NTRK2: variants seen among roughly 807,000 people sequenced by gnomAD.
NTRK2 encodes neurotrophic receptor tyrosine kinase 2.
Under a neutral mutation model 94.5 loss-of-function variants are expected in NTRK2, and 13 were observed. The ratio of observed to expected loss-of-function variants is 0.14; its 90% CI spans 0.09 to 0.22. The LOEUF is 0.22. Ranked by LOEUF, NTRK2 falls within the 10% of genes least tolerant of loss-of-function variation. The pLI is 1.00. For synonymous variants in NTRK2, 372 were observed against 407.4 expected (o/e 0.91, Z 1.05); for missense variants, 639 against 1,071.2 (o/e 0.60, Z 5.63).
chr9:84,774,115 C>T (rs557419102), intron 12 of NTRK2, among the ~76,000 whole-genome samples: 1 of 152,302 alleles, frequency 6.6e-6, no homozygotes, highest in South Asian at 2.1e-4. Flanking sequence ...TTCTTTCTCT[C>T]CCTCATTCAT....
chr9:84,792,987 C>T (rs1377666066), intron 12 of NTRK2, among the ~76,000 whole-genome samples: 3 of 152,164 alleles, frequency 2.0e-5, no homozygotes, highest in Non-Finnish European at 4.4e-5. Context: ...CCATCAGTAT[C>T]ATCACCATCA....
chr9:84,875,568 G>A lies in NTRK2; in HGVS notation c.1633+8137G>A, dbSNP rs199937561. ...TAGCTAGCTCCTTTCAAAGAGCCGA[G>A]TATGCTGGATCTTAAAGGGCCAAAC... is the stretch of plus-strand genomic sequence containing the variant. On this transcript the variant is annotated intron_variant, in intron 14 of 18. Coordinates refer to ENST00000277120, the MANE Select transcript of NTRK2 (RefSeq NM_006180.6). 352 of 1,062,854 alleles carry A rather than the reference G, an allele frequency of 3.3e-4. 1 individual carries two copies. Among genetic ancestry groups the A allele is most frequent in the Admixed American group, 3.3e-3 (61 of 18,638 alleles). The allele number at this position is 1,062,854 out of a possible 1,614,324, so 65.8% of individuals were successfully genotyped here. A position where few individuals can be genotyped will look rare whatever the true frequency, so the allele number is the denominator to read the frequency against.
At chr9:85,003,287 A>C (rs1830525716) in intron 17 of NTRK2, among the ~76,000 whole-genome samples, 1 of 152,174 alleles carries the variant, frequency 6.6e-6, no homozygotes, top group Non-Finnish European at 1.5e-5. Flanking sequence ...TGGAGGGTGA[A>C]AATTTCACTC....
chr9:84,885,661 A>G (rs146611328), intron 14 of NTRK2, among the ~76,000 whole-genome samples: 2 of 152,350 alleles, frequency 1.3e-5, no homozygotes, highest in East Asian at 1.9e-4. Flanking sequence ...ATTGGAACCC[A>G]GTATTCAAAA....
At position 84,815,524 on chromosome 9, in the gene NTRK2, T is replaced by G. The variant is rs929076120; in HGVS notation, c.1397-45516T>G. Reference sequence around the variant, plus strand: ...TGAATCATTCTCATGCCCTGTTTTTTTTTTTTTTTTCCTATAATGTTCTGG... The same window carrying G: ...TGAATCATTCTCATGCCCTGTTTTTGTTTTTTTTTTCCTATAATGTTCTGG... On this transcript the variant is annotated intron_variant, in intron 12 of 18. Transcript: ENST00000277120. The G allele has an allele frequency of 6.8e-6, 7 of 1,024,718 alleles. No individual in the cohort carries two copies. The African/African-American group carries it at 1.0e-4, about 15-fold the overall frequency. The allele number at this position is 1,024,718 out of a possible 1,614,324, so 63.5% of individuals were successfully genotyped here.
At chr9:84,792,529 A>G (rs1348773993) in intron 12 of NTRK2, among the ~76,000 whole-genome samples, 2 of 152,202 alleles carry the variant, frequency 1.3e-5, no homozygotes, top group Non-Finnish European at 2.9e-5. Flanking sequence ...CTTGTACAAT[A>G]ACAACAAGAA....
At chr9:85,001,637 TGG>T (rs1445823699) in intron 17 of NTRK2, among the ~76,000 whole-genome samples, 1 of 152,254 alleles carries the variant, frequency 6.6e-6, no homozygotes, top group Non-Finnish European at 1.5e-5. Flanking sequence ...ACCTGTCTTC[TGG>T]AACATTCTAT....
At chr9:84,872,135 G>T in intron 14 of NTRK2, 1 of 1,276,968 alleles carries the variant, frequency 7.8e-7, no homozygotes, top group Non-Finnish European at 1.0e-6. Context: ...AACTCAACTA[G>T]CTCGTTTAGA....
At chr9:84,972,031 C>T (rs1027238143) in intron 17 of NTRK2, among the ~76,000 whole-genome samples, 22 of 152,124 alleles carry the variant, frequency 1.4e-4, no homozygotes, top group Non-Finnish European at 2.9e-5. Flanking sequence ...GATTTTAAGT[C>T]ATCTGTATTT....
At chr9:84,672,042 T>A (rs1330706452) in intron 2 of NTRK2, among the ~76,000 whole-genome samples, 1 of 152,222 alleles carries the variant, frequency 6.6e-6, no homozygotes, top group Non-Finnish European at 1.5e-5. Flanking sequence ...GATACTGAGA[T>A]AGGCAGCCCT....
chr9:84,864,743 T>TC (rs1415924893), intron 13 of NTRK2, among the ~76,000 whole-genome samples: 3 of 133,224 alleles, frequency 2.3e-5, no homozygotes, highest in African/African-American at 3.4e-5. Flanking sequence ...TTTCTTTTTT[T>TC]TTTTTTTTTT....
intron 17 of NTRK2, among the ~76,000 whole-genome samples, chr9:85,012,821 C>T (rs1454333911): frequency 6.6e-6 from 1 of 152,100 alleles, no homozygotes; most frequent in Non-Finnish European, 1.5e-5. Flanking sequence ...TGACCCGTCC[C>T]TTCAAAACAG....
At chr9:84,850,453 T>A (rs1439315586) in intron 12 of NTRK2, among the ~76,000 whole-genome samples, 1 of 152,120 alleles carries the variant, frequency 6.6e-6, no homozygotes, top group African/African-American at 2.4e-5. Context: ...AAGGTGAAAT[T>A]AAGGTGATAA....
chr9:84,824,134 T>C (rs551107899), intron 12 of NTRK2, among the ~76,000 whole-genome samples: 1 of 152,328 alleles, frequency 6.6e-6, no homozygotes, highest in South Asian at 2.1e-4. Flanking sequence ...CTTTCATATG[T>C]GTACACCTGT....
intron 6 of NTRK2, among the ~76,000 whole-genome samples, chr9:84,713,303 T>G (rs145634987): frequency 2.0e-5 from 3 of 152,176 alleles, no homozygotes; most frequent in African/African-American, 4.8e-5. Context: ...GTGATAAATA[T>G]TCTCTTTTTA....
intron 2 of NTRK2, among the ~76,000 whole-genome samples, chr9:84,692,464 T>C (rs942252299): frequency 1.3e-4 from 16 of 127,866 alleles, no homozygotes; most frequent in Non-Finnish European, 1.9e-4. Context: ...TTTTTTCTTT[T>C]TTTCTTTTTT....
chr9:85,000,727 T>G (rs923562114), intron 17 of NTRK2, among the ~76,000 whole-genome samples: 3 of 152,230 alleles, frequency 2.0e-5, no homozygotes, highest in Non-Finnish European at 4.4e-5. Flanking sequence ...TAGACATTCA[T>G]GTGCAGGTTT....
intron 2 of NTRK2, among the ~76,000 whole-genome samples, chr9:84,687,257 G>C (rs2059775008): frequency 1.3e-5 from 2 of 152,150 alleles, no homozygotes; most frequent in African/African-American, 4.8e-5. Context: ...GTTTAACTCT[G>C]ATGAGAAAAG....
chr9:84,854,078 AAAAAAAGAAAAGAAAAG>A (rs1157488418), intron 12 of NTRK2, among the ~76,000 whole-genome samples: 2 of 151,908 alleles, frequency 1.3e-5, no homozygotes, highest in Admixed American at 6.6e-5. Context: ...TCTCAAAAAA[AAAAAAAGAAAAGAAAAG>A]AAAAAAGAAA....
Sources: gnomAD v4.1 joint callset for allele counts (sites outside exome capture counted in the v4.1 genomes callset) on GRCh38, gnomAD v4.1.1 for gene constraint, MANE v1.5 for transcripts, NCBI Gene and HGNC (gene_info 2026-07-23, HGNC 2026-07-21) for gene names.